Variants in SPAG17 observed in about 807,000 individuals in gnomAD.
SPAG17 encodes the protein sperm-associated antigen 17.
SPAG17 carries 169 observed loss-of-function variants against 273.6 expected under a neutral mutation model. The ratio of observed to expected loss-of-function variants is 0.62; its 90% CI spans 0.55 to 0.70. The LOEUF is 0.70. Among genes scored for constraint, SPAG17 ranks in the 30% least tolerant of loss-of-function variants. The pLI, the probability that SPAG17 is intolerant of heterozygous loss-of-function variation, is 0.00. For missense variants in SPAG17, 2,557 were observed against 2,627.8 expected (o/e 0.97, Z 0.59); for synonymous variants, 825 against 873.2 (o/e 0.94, Z 0.97).
At chr1:117,999,051 A>C (rs1486735005) in intron 32 of SPAG17, among the ~76,000 whole-genome samples, 2 of 151,200 alleles carry the variant, frequency 1.3e-5, no homozygotes, top group South Asian at 4.2e-4. Context: ...TCATTGTTCA[A>C]TTCCCACCTA....
At chr1:118,153,867 AG>A (rs1244817462) in intron 1 of SPAG17, among the ~76,000 whole-genome samples, 2 of 152,336 alleles carry the variant, frequency 1.3e-5, no homozygotes, top group South Asian at 2.1e-4. Flanking sequence ...AAAAGAAAAA[AG>A]AAAAAAAAGA....
At chr1:118,119,692 C>T (rs1206811340) in intron 3 of SPAG17, among the ~76,000 whole-genome samples, 1 of 152,152 alleles carries the variant, frequency 6.6e-6, no homozygotes, top group Non-Finnish European at 1.5e-5. Context: ...TAGGCTAGCA[C>T]AAGGCTGGGC....
At chr1:118,156,565 A>C (rs1266633277) in intron 1 of SPAG17, among the ~76,000 whole-genome samples, 4 of 152,162 alleles carry the variant, frequency 2.6e-5, no homozygotes, top group Non-Finnish European at 4.4e-5. Flanking sequence ...CTGCTTAGAC[A>C]TATTTCCCAG....
rs1003235226 is a variant in SPAG17 at position 118,041,661 on chromosome 1, C to T, written c.3054+142G>A. The T allele has an allele frequency of 2.6e-5, 28 of 1,077,686 alleles. No individual in the cohort carries two copies. The East Asian group carries it at 2.7e-4, about 10-fold the overall frequency. 66.8% of individuals were successfully genotyped at this position (1,077,686 alleles called of 1,614,324 possible). A position where few individuals can be genotyped will look rare whatever the true frequency, so the allele number is the denominator to read the frequency against. ...GGTTCTAGGTATCAGGGGTGGAATA[C>T]AGGTTTGAGCTCATTAATACCAGAA... is the stretch of plus-strand genomic sequence containing the variant. On this transcript the variant is annotated intron_variant, in intron 21 of 48. Coordinates refer to ENST00000336338, the MANE Select transcript of SPAG17 (RefSeq NM_206996.4).
chr1:118,050,960 A>C (rs1557958382), intron 20 of SPAG17, among the ~76,000 whole-genome samples: 1 of 152,114 alleles, frequency 6.6e-6, no homozygotes, highest in Non-Finnish European at 1.5e-5. Flanking sequence ...GAAATAACCT[A>C]TGGAATAGGA....
Position 118,181,509 on chromosome 1 carries a change from C to T in SPAG17, c.87+3562G>A, listed in dbSNP as rs527309889. 1.2e-4 allele frequency among the ~76,000 whole-genome samples: 19 copies of T among 152,008 alleles called. No homozygotes were observed. In the South Asian group the frequency reaches 3.5e-3, roughly 28 times the overall value. On this transcript the variant is annotated intron_variant, in intron 1 of 48. Transcript: ENST00000336338. ...AGAGAGAGCAGGGGAAGTTAAGCAACTATTACACACAAAAAAAGACTTTAA... is the reference window on the plus strand; with the variant it reads ...AGAGAGAGCAGGGGAAGTTAAGCAATTATTACACACAAAAAAAGACTTTAA...
chr1:118,023,512 T>C (rs1173887530), intron 27 of SPAG17, 49 bp from the exon 28 acceptor site: 9 of 1,570,320 alleles, frequency 5.7e-6, no homozygotes, highest in Non-Finnish European at 6.9e-6. Flanking sequence ...AAGAGAGAGG[T>C]TGTTTAACAA....
At chr1:118,031,393 C>A (rs188920527) in intron 25 of SPAG17, among the ~76,000 whole-genome samples, 9 of 151,612 alleles carry the variant, frequency 5.9e-5, no homozygotes, top group Non-Finnish European at 1.0e-4. Context: ...ACTTGACCAA[C>A]GAAAAGCAAA....
intron 3 of SPAG17, among the ~76,000 whole-genome samples, chr1:118,118,295 A>G (rs1187501571): frequency 6.6e-6 from 1 of 152,230 alleles, no homozygotes; most frequent in Admixed American, 6.5e-5. Flanking sequence ...CTATGTCAAA[A>G]TAAGTGTGCG....
chr1:118,044,851 G>A (rs977217033), intron 20 of SPAG17, among the ~76,000 whole-genome samples: 7 of 152,090 alleles, frequency 4.6e-5, no homozygotes, highest in African/African-American at 1.4e-4. Context: ...AGGATTATAA[G>A]TTTCCTGAGG....
At chr1:117,967,183 G>A (rs1316837367) in intron 46 of SPAG17, among the ~76,000 whole-genome samples, 2 of 151,562 alleles carry the variant, frequency 1.3e-5, no homozygotes, top group East Asian at 3.9e-4. Context: ...GGAGGCTGAG[G>A]CAGGAGAATT....
chr1:118,066,921 T>C lies in SPAG17; in HGVS notation c.2386-22A>G, dbSNP rs781401280. The C allele has an allele frequency of 1.1e-5, 17 of 1,584,446 alleles. No homozygotes were observed. The East Asian group carries it at 3.4e-4, about 32-fold the overall frequency. ...GGACCTGAAAATCAAAATAATTGCA[T>C]TGTAGAATCTTTTTTATTTTCCCCA... is the stretch of plus-strand genomic sequence containing the variant. On this transcript the variant is annotated intron_variant, in intron 17 of 48. Transcript: ENST00000336338.
chr1:118,181,699 C>CA (rs1356830356), intron 1 of SPAG17, among the ~76,000 whole-genome samples: 1 of 151,836 alleles, frequency 6.6e-6, no homozygotes, highest in Non-Finnish European at 1.5e-5. Context: ...CAAACCTCAC[C>CA]AAAAAATAAA....
intron 32 of SPAG17, among the ~76,000 whole-genome samples, chr1:118,004,352 G>A (rs570534764): frequency 1.3e-5 from 2 of 152,332 alleles, no homozygotes; most frequent in Admixed American, 6.5e-5. Context: ...CTTCAGAGCT[G>A]TTGGACAAGG....
At chr1:118,086,137 G>C in intron 12 of SPAG17, 65 bp from the exon 13 acceptor site, 6 of 1,441,968 alleles carry the variant, frequency 4.2e-6, no homozygotes, top group Non-Finnish European at 5.7e-6. Flanking sequence ...TATGCATATG[G>C]AGAAGGCTAA....
intron 42 of SPAG17, among the ~76,000 whole-genome samples, chr1:117,981,772 A>G (rs1302091433): frequency 6.6e-6 from 1 of 152,202 alleles, no homozygotes; most frequent in Non-Finnish European, 1.5e-5. Flanking sequence ...ATCTTTTTTC[A>G]GAAATTTCCA....
chr1:117,961,775 G>A (rs1653135412), intron 48 of SPAG17: 1 of 152,278 alleles, frequency 6.6e-6, no homozygotes, highest in South Asian at 2.1e-4. Context: ...AGTGAATTTT[G>A]GCATAGAGTT....
intron 18 of SPAG17, among the ~76,000 whole-genome samples, chr1:118,061,613 T>A (rs1652302723): frequency 6.6e-6 from 1 of 152,148 alleles, no homozygotes; most frequent in Non-Finnish European, 1.5e-5. Flanking sequence ...AAAGAAGGGA[T>A]CACGTGTTCA....
At chr1:118,050,903 T>A (rs1035626624) in intron 20 of SPAG17, among the ~76,000 whole-genome samples, 1 of 151,830 alleles carries the variant, frequency 6.6e-6, no homozygotes, top group African/African-American at 2.4e-5. Flanking sequence ...GGCATCACGT[T>A]AGACTAAAAC....
Sources: gnomAD v4.1 joint callset for allele counts (sites outside exome capture counted in the v4.1 genomes callset) on GRCh38, gnomAD v4.1.1 for gene constraint, MANE v1.5 for transcripts, NCBI Gene and HGNC (gene_info 2026-07-23, HGNC 2026-07-21) for gene names.